HSPD1: variants seen among roughly 807,000 people sequenced by gnomAD.
HSPD1 encodes the protein 60 kDa heat shock protein, mitochondrial.
A neutral mutation model predicts 53.0 loss-of-function variants in HSPD1; 3 were observed. The ratio of observed to expected loss-of-function variants is 0.06; its 90% CI spans 0.03 to 0.15. The LOEUF (loss-of-function observed/expected upper bound fraction) is 0.15, where lower values mean the gene tolerates loss of function less well. HSPD1 is among the 10% of genes least tolerant of loss of function. The pLI, the probability that HSPD1 is intolerant of heterozygous loss-of-function variation, is 1.00. For synonymous variants in HSPD1, 200 were observed against 228.0 expected (o/e 0.88, Z 1.10); for missense variants, 431 against 694.1 (o/e 0.62, Z 4.26).
Position 197,487,963 on chromosome 2 carries a change from A to C in HSPD1, c.1464T>G (p.Ser488=), listed in dbSNP as rs1057524367. The C allele has an allele frequency of 1.2e-6, 2 of 1,613,280 alleles. No individual in the cohort carries two copies. The change falls in exon 11 of 12, where the codon TCT becomes TCG. Residue 488 remains serine (S), a synonymous_variant. Transcript: ENST00000388968. The stretch of plus-strand genomic sequence containing the variant: ...TTTGCATAATTTTCTCAACTATCAA[A>C]GATCCTTCAACACCTGCATTCTTAG... ...TIAKNAGVEG[S]LIVEKIMQSS...
At position 197,490,209 on chromosome 2, in the gene HSPD1, A is replaced by G; in HGVS notation, c.957T>C (p.Ala319=). ...TTATTTTACTTACTGCACCACCAGT[A>G]GCAATAGCCATATCTTTAAGCTGGT... ...RKNQLKDMAI[A]TGGAVFGEEG... Residue 319 remains alanine (A), a synonymous_variant, in exon 8 of 12, where the codon GCT becomes GCC. Transcript: ENST00000388968. 6.2e-7 allele frequency: 1 copy of G among 1,609,450 alleles called. No homozygotes were observed.
rs779631941 is a variant in HSPD1, at chr2:197,494,182, A to G, written c.675T>C (p.Ser225=). ...EGMKFDRGYI[S]PYFINTSKGQ... Reference sequence around the variant, plus strand: ...CTTTTGATGTATTAATAAAGTATGGAGAAATATAGCCTCGATCAAACTTCA... The same window carrying G: ...CTTTTGATGTATTAATAAAGTATGGGGAAATATAGCCTCGATCAAACTTCA... The change falls in exon 6 of 12, where the codon TCT becomes TCC. Residue 225 remains serine, a synonymous_variant. Coordinates refer to ENST00000388968, the MANE Select transcript of HSPD1 (RefSeq NM_002156.5). The G allele has an allele frequency of 4.1e-6, 6 of 1,464,176 alleles. No individual in the cohort carries two copies. Among genetic ancestry groups the G allele is most frequent in the Non-Finnish European group, 5.7e-6 (6 of 1,044,844 alleles). The allele number at this position is 1,464,176 out of a possible 1,614,324, so 90.7% of individuals were successfully genotyped here.
intron 7 of HSPD1, chr2:197,490,624 T>A: frequency 9.4e-6 from 3 of 319,214 alleles, no homozygotes; most frequent in Non-Finnish European, 1.8e-5. Context: ...AGGTCAGGAG[T>A]TCGAGACCAG....
chr2:197,494,990 A>G, intron 4 of HSPD1: 1 of 598,444 alleles, frequency 1.7e-6, no homozygotes, highest in Non-Finnish European at 3.0e-6. Flanking sequence ...AAAAGTTTAA[A>G]AATGCTGACT....
At chr2:197,498,482 C>G (rs1478193180) in intron 2 of HSPD1, among the ~76,000 whole-genome samples, 193 bp downstream of exon 2, 1 of 152,152 alleles carries the variant, frequency 6.6e-6, no homozygotes, top group Non-Finnish European at 1.5e-5. Flanking sequence ...TTTCGAAAAT[C>G]TGGCTGAAGC....
At chr2:197,492,856 A>T (rs767177203) in intron 7 of HSPD1, among the ~76,000 whole-genome samples, 1 of 151,934 alleles carries the variant, frequency 6.6e-6, no homozygotes, top group Non-Finnish European at 1.5e-5. Context: ...CTAAAAATAC[A>T]AAAATTAGTC....
At chr2:197,496,131 T>C (rs2086154466) in intron 3 of HSPD1, among the ~76,000 whole-genome samples, 1 of 152,238 alleles carries the variant, frequency 6.6e-6, no homozygotes, top group Admixed American at 6.5e-5. Context: ...GTCAATTATC[T>C]GAAATCCCCT....
intron 6 of HSPD1, among the ~76,000 whole-genome samples, 163 bp downstream of exon 6, chr2:197,493,994 T>G (rs1461707363): frequency 6.6e-6 from 1 of 152,064 alleles, no homozygotes; most frequent in Non-Finnish European, 1.5e-5. Context: ...CCCAGCTACT[T>G]GGGAGACTGA....
intron 5 of HSPD1, 57 bp downstream of exon 5, chr2:197,494,600 C>CA: frequency 2.5e-6 from 2 of 810,384 alleles, no homozygotes; most frequent in South Asian, 3.1e-5. Context: ...TCAGATAACT[C>CA]AAACTTTTGA....
At chr2:197,497,523 G>C in intron 2 of HSPD1, 131 bp from the exon 3 acceptor site, 1 of 922,368 alleles carries the variant, frequency 1.1e-6, no homozygotes, top group Non-Finnish European at 1.7e-6. Context: ...TATCAGTCTT[G>C]CAGCATGAAC....
rs2086173081 is a variant in HSPD1, at chr2:197,497,471, A to G, written c.175-79T>C. On this transcript the variant is annotated intron_variant, in intron 2 of 11. Coordinates refer to ENST00000388968, the MANE Select transcript of HSPD1 (RefSeq NM_002156.5). ...TTTAAAAATGAGCAGTCTTCATAAT[A>G]AAGCAACTACTTCAAAGTCTCAACG... is the stretch of plus-strand genomic sequence containing the variant. 3 of 1,396,128 alleles carry G rather than the reference A, an allele frequency of 2.1e-6. No individual in the cohort carries two copies. In the South Asian group the frequency reaches 3.5e-5, roughly 16 times the overall value. 86.5% of individuals were successfully genotyped at this position (1,396,128 alleles called of 1,614,324 possible). A position where few individuals can be genotyped will look rare whatever the true frequency, so the allele number is the denominator to read the frequency against.
At position 197,486,860 on chromosome 2, in the gene HSPD1, G is replaced by C. The variant is rs1372559906; in HGVS notation, c.*186C>G. ...ACAAAATAAATTATCTGTAGGCATG[G>C]ACAATGACAGCAGTAAACCATTATA... On this transcript the variant is annotated 3_prime_UTR_variant, in exon 12 of 12. Transcript: ENST00000388968. 1.7e-6 allele frequency: 1 copy of C among 596,164 alleles called. No homozygotes were observed. Among genetic ancestry groups the C allele is most frequent in the Non-Finnish European group, 3.0e-6 (1 of 334,506 alleles). 36.9% of individuals were successfully genotyped at this position (596,164 alleles called of 1,614,324 possible). A position where few individuals can be genotyped will look rare whatever the true frequency, so the allele number is the denominator to read the frequency against.
upstream of HSPD1, chr2:197,500,055 G>C (rs1421751548): frequency 4.2e-6 from 1 of 239,206 alleles, no homozygotes; most frequent in Non-Finnish European, 8.3e-6. Flanking sequence ...TCTAGTTCCC[G>C]GGCCTCGCTC....
intron 1 of HSPD1, 151 bp from the exon 2 acceptor site, chr2:197,499,001 C>A: frequency 1.3e-6 from 1 of 761,102 alleles, no homozygotes; most frequent in Non-Finnish European, 2.3e-6. Flanking sequence ...GAAGGCGCCG[C>A]AGCTTCGGAA....
chr2:197,500,152 T>A, upstream of HSPD1: 1 of 539,238 alleles, frequency 1.9e-6, no homozygotes. Context: ...AAGGGGTAGT[T>A]CTTTCACCTC....
chr2:197,487,668 C>T (rs916976253), intron 11 of HSPD1, among the ~76,000 whole-genome samples, 190 bp downstream of exon 11: 1 of 152,176 alleles, frequency 6.6e-6, no homozygotes, highest in African/African-American at 2.4e-5. Flanking sequence ...GATCCTGCTT[C>T]CTTTTAGTGG....
chr2:197,487,676 T>C (rs2086043148), intron 11 of HSPD1, among the ~76,000 whole-genome samples, 182 bp downstream of exon 11: 1 of 152,238 alleles, frequency 6.6e-6, no homozygotes, highest in African/African-American at 2.4e-5. Flanking sequence ...TTCCTTTTAG[T>C]GGAGTATTAA....
In HSPD1 at chr2:197,489,080, A is replaced by C; in HGVS notation, c.1137T>G (p.Asp379Glu). ...KRIQEIIEQLDVTTSEYEKEK... is the reference protein window; with the variant it reads ...KRIQEIIEQLEVTTSEYEKEK... ...CCTTTTCATATTCACTAGTTGTGACATCTAACTGCTCAATGATTTCTTGAA... is the reference window on the plus strand; with the variant it reads ...CCTTTTCATATTCACTAGTTGTGACCTCTAACTGCTCAATGATTTCTTGAA... The change falls in exon 9 of 12, where the codon GAT (aspartate) becomes GAG (glutamate). Residue 379 changes from aspartate (D) to glutamate (E), a missense_variant. Transcript: ENST00000388968. 1.9e-6 allele frequency: 3 copies of C among 1,613,876 alleles called. No individual in the cohort carries two copies. Among genetic ancestry groups the C allele is most frequent in the Non-Finnish European group, 2.5e-6 (3 of 1,179,776 alleles).
intron 6 of HSPD1, among the ~76,000 whole-genome samples, chr2:197,493,799 T>C: frequency 6.6e-6 from 1 of 152,320 alleles, no homozygotes; most frequent in South Asian, 2.1e-4. Flanking sequence ...ACCTTGTCTC[T>C]ATTAAAAAAT....
Sources: gnomAD v4.1 joint callset for allele counts (sites outside exome capture counted in the v4.1 genomes callset) on GRCh38, gnomAD v4.1.1 for gene constraint, MANE v1.5 for transcripts, NCBI Gene and HGNC (gene_info 2026-07-23, HGNC 2026-07-21) for gene names.